Variants in LAMA2 observed in about 807,000 individuals in gnomAD.
The protein encoded by LAMA2 is laminin subunit alpha 2.
Under a neutral mutation model 364.8 loss-of-function variants are expected in LAMA2, and 269 were observed. The ratio of observed to expected loss-of-function variants is 0.74; its 90% CI spans 0.67 to 0.82. The LOEUF is 0.82. Among genes scored for constraint, LAMA2 ranks in the 40% least tolerant of loss-of-function variants. The pLI, the probability that LAMA2 is intolerant of heterozygous loss-of-function variation, is 0.00. For synonymous variants in LAMA2, 1,379 were observed against 1,370.6 expected (o/e 1.01, Z -0.14); for missense variants, 3,807 against 3,873.2 (o/e 0.98, Z 0.45).
intron 12 of LAMA2, among the ~76,000 whole-genome samples, chr6:129,241,163 C>T (rs1785373240): frequency 1.3e-5 from 2 of 152,128 alleles, no homozygotes; most frequent in South Asian, 2.1e-4. Flanking sequence ...TATGCCTTCT[C>T]TATGTGTAAT....
chr6:129,057,458 A>T (rs1274627255), intron 2 of LAMA2, among the ~76,000 whole-genome samples: 1 of 152,232 alleles, frequency 6.6e-6, no homozygotes, highest in Non-Finnish European at 1.5e-5. Flanking sequence ...TGAAATAATA[A>T]TGATGCTTTA....
At chr6:128,943,251 T>A (rs949935226) in intron 1 of LAMA2, among the ~76,000 whole-genome samples, 3 of 141,408 alleles carry the variant, frequency 2.1e-5, no homozygotes, top group Non-Finnish European at 3.0e-5. Context: ...ACAGAGAGAG[T>A]GTGTGTGTAT....
At position 129,507,609 on chromosome 6, in the gene LAMA2, A is replaced by G. The variant is rs1786203973; in HGVS notation, c.8824A>G (p.Thr2942Ala). 1 of 1,614,212 alleles carries G rather than the reference A, an allele frequency of 6.2e-7. No individual in the cohort carries two copies. The highest frequency in any genetic ancestry group is 8.5e-7 in the Non-Finnish European group (1 of 1,180,000). The change falls in exon 62 of 65, where the codon ACA becomes GCA. Residue 2942 changes from threonine to alanine, a missense_variant. By Grantham distance (58) the Thr-to-Ala change is moderately conservative. Transcript: ENST00000421865. Reference sequence around the variant, plus strand: ...ATGTTTTGCAAATGCTCAGAGGGGAACATATTTTGACGGAACCGGTTTTGC... The same window carrying G: ...ATGTTTTGCAAATGCTCAGAGGGGAGCATATTTTGACGGAACCGGTTTTGC... Reference protein sequence around the residue: ...GTCFANAQRGTYFDGTGFAKA... With the variant: ...GTCFANAQRGAYFDGTGFAKA...
intron 4 of LAMA2, among the ~76,000 whole-genome samples, chr6:129,104,758 G>T (rs1309028884): frequency 6.6e-6 from 1 of 151,976 alleles, no homozygotes; most frequent in African/African-American, 2.4e-5. Flanking sequence ...TCATGGTTTG[G>T]TTTGGCCCCT....
Position 129,300,842 on chromosome 6 carries a change from C to T in LAMA2, c.3144C>T (p.Thr1048=), listed in dbSNP as rs147249027. 1.6e-5 allele frequency: 26 copies of T among 1,613,692 alleles called. No individual in the cohort carries two copies. Among genetic ancestry groups the T allele is most frequent in the Non-Finnish European group, 2.2e-5 (26 of 1,179,724 alleles). Residue 1048 remains threonine (T), a synonymous_variant, in exon 22 of 65, where the codon ACC becomes ACT. Transcript: ENST00000421865. ...GEKCSKCAPN[T]WGHSITTGCK... ...AATGTTCTAAATGTGCACCCAATAC[C>T]TGGGGCCACAGCATTACCACTGGTT... is the stretch of plus-strand genomic sequence containing the variant.
intron 29 of LAMA2, among the ~76,000 whole-genome samples, chr6:129,333,452 A>G (rs1397805716): frequency 6.6e-6 from 1 of 152,194 alleles, no homozygotes; most frequent in African/African-American, 2.4e-5. Flanking sequence ...TTCAATCAGG[A>G]TAAGATATTT....
intron 1 of LAMA2, among the ~76,000 whole-genome samples, chr6:129,032,722 T>G (rs1453785822): frequency 6.6e-6 from 1 of 152,212 alleles, no homozygotes; most frequent in Non-Finnish European, 1.5e-5. Flanking sequence ...GATGTCCAGA[T>G]GTTACAAATG....
chr6:129,430,349 C>A (rs930028748), intron 41 of LAMA2, among the ~76,000 whole-genome samples: 1 of 152,178 alleles, frequency 6.6e-6, no homozygotes, highest in Non-Finnish European at 1.5e-5. Flanking sequence ...CAGTACAGTT[C>A]AGTTAGTTTG....
At chr6:129,385,310 GGGAAGGAAGGAA>G (rs147858586) in intron 35 of LAMA2, among the ~76,000 whole-genome samples, 12 of 139,814 alleles carry the variant, frequency 8.6e-5, no homozygotes, top group Non-Finnish European at 1.2e-4. Flanking sequence ...AAGAAGAAAA[GGGAAGGAAGGAA>G]GGAAGGAAGG....
chr6:129,370,480 A>T (rs1290327699), intron 34 of LAMA2, among the ~76,000 whole-genome samples: 1 of 152,224 alleles, frequency 6.6e-6, no homozygotes, highest in Non-Finnish European at 1.5e-5. Flanking sequence ...CAGAATGTAA[A>T]GTCCATGTTG....
intron 1 of LAMA2, among the ~76,000 whole-genome samples, chr6:128,914,285 C>T (rs138708478): frequency 1.9e-3 from 292 of 152,176 alleles, no homozygotes; most frequent in African/African-American, 6.9e-3. Context: ...TCATTGGCTC[C>T]CTGGTGCAAA....
intron 12 of LAMA2, among the ~76,000 whole-genome samples, chr6:129,238,203 A>AT (rs1785133796): frequency 1.3e-5 from 2 of 151,866 alleles, no homozygotes; most frequent in African/African-American, 2.4e-5. Context: ...AGACAATTAT[A>AT]TTTTTTTCCA....
chr6:128,966,887 T>A (rs933911719), intron 1 of LAMA2, among the ~76,000 whole-genome samples: 3 of 152,226 alleles, frequency 2.0e-5, no homozygotes, highest in African/African-American at 7.2e-5. Context: ...TTGTTTTTAA[T>A]CTGCAATTAG....
intron 29 of LAMA2, among the ~76,000 whole-genome samples, chr6:129,328,905 A>G (rs1009073000): frequency 1.3e-5 from 2 of 152,136 alleles, no homozygotes; most frequent in Non-Finnish European, 2.9e-5. Flanking sequence ...ATGAGGTTGT[A>G]TTATGTTGTT....
intron 1 of LAMA2, among the ~76,000 whole-genome samples, chr6:129,043,923 T>A (rs902556543): frequency 3.3e-5 from 5 of 152,174 alleles, no homozygotes; most frequent in Admixed American, 2.0e-4. Flanking sequence ...CAGGTGTAGG[T>A]CTGGCATCAG....
At chr6:129,245,647 T>C (rs1488742006) in intron 12 of LAMA2, among the ~76,000 whole-genome samples, 1 of 152,218 alleles carries the variant, frequency 6.6e-6, no homozygotes, top group Non-Finnish European at 1.5e-5. Flanking sequence ...GATGAATTTT[T>C]TTATATAGAG....
At chr6:129,105,772 G>C (rs528608705) in intron 4 of LAMA2, among the ~76,000 whole-genome samples, 1 of 152,192 alleles carries the variant, frequency 6.6e-6, no homozygotes, top group African/African-American at 2.4e-5. Context: ...GGGTATCTGA[G>C]AGAAGAATCA....
intron 40 of LAMA2, among the ~76,000 whole-genome samples, chr6:129,408,102 G>A (rs1164703778): frequency 6.6e-6 from 1 of 152,100 alleles, no homozygotes; most frequent in Non-Finnish European, 1.5e-5. Flanking sequence ...ATAATGTTGT[G>A]GGAACAGGAA....
chr6:129,421,277 G>A (rs1024072381), intron 40 of LAMA2, among the ~76,000 whole-genome samples: 1 of 151,622 alleles, frequency 6.6e-6, no homozygotes, highest in Non-Finnish European at 1.5e-5. Flanking sequence ...CATAAAAATA[G>A]ACTCTGTTTT....
Sources: gnomAD v4.1 joint callset for allele counts (sites outside exome capture counted in the v4.1 genomes callset) on GRCh38, gnomAD v4.1.1 for gene constraint, MANE v1.5 for transcripts, NCBI Gene and HGNC (gene_info 2026-07-23, HGNC 2026-07-21) for gene names.